DSE: variants seen among roughly 807,000 people sequenced by gnomAD.
DSE encodes the protein dermatan sulfate epimerase, also known as dermatan-sulfate epimerase.
A neutral mutation model predicts 84.4 loss-of-function variants in DSE; 36 were observed. That is an observed-to-expected ratio of 0.43 (90% confidence interval 0.33 to 0.56). The LOEUF (loss-of-function observed/expected upper bound fraction) is 0.56, where lower values mean the gene tolerates loss of function less well. Among genes scored for constraint, DSE ranks in the 20% least tolerant of loss-of-function variants. DSE has a pLI of 0.06. For missense variants in DSE, 862 were observed against 1,169.6 expected (o/e 0.74, Z 3.84); for synonymous variants, 410 against 430.1 (o/e 0.95, Z 0.58).
intron 2 of DSE, among the ~76,000 whole-genome samples, chr6:116,270,010 C>T (rs1033261252): frequency 4.6e-5 from 7 of 152,008 alleles, no homozygotes; most frequent in African/African-American, 1.7e-4. Context: ...GTCTTCTGCT[C>T]TGATAGAGTT....
chr6:116,418,076 G>C (rs148044938), intron 2 of DSE, among the ~76,000 whole-genome samples: 118 of 152,258 alleles, frequency 7.7e-4, no homozygotes, highest in African/African-American at 2.5e-3. Context: ...GATTAGGCCA[G>C]CTAATCACAC....
chr6:116,399,541 C>T lies in DSE; in HGVS notation c.291C>T (p.Arg97=), dbSNP rs1281451290. 5.6e-6 allele frequency: 9 copies of T among 1,614,070 alleles called. No homozygotes were observed. Among genetic ancestry groups the T allele is most frequent in the African/African-American group, 1.3e-5 (1 of 74,920 alleles). ...GGGATCCCAAGGACTACAGTGCCCG[C>T]TGGAATGAAATTTTTGGAAACAACT... is the stretch of plus-strand genomic sequence containing the variant. ...PPWDPKDYSA[R]WNEIFGNNLG... is the part of the protein sequence containing the mutation. Residue 97 remains arginine, a synonymous_variant, in exon 2 of 6, where the codon CGC becomes CGT. Coordinates refer to ENST00000644252, the MANE Select transcript of DSE (RefSeq NM_013352.4).
rs370201246 is a variant in DSE at position 116,403,405 on chromosome 6, T to C, written c.416+3739T>C. ...GATATCAGCAATAATAATTTTAATT[T>C]AATAAATTTTATTAAATTAATAAAA... On this transcript the variant is annotated intron_variant, in intron 2 of 5. Transcript: ENST00000644252. Among the ~76,000 whole-genome samples, 203 of 151,620 alleles carry C rather than the reference T, an allele frequency of 1.3e-3. 9 individuals carry two copies. In the South Asian group the frequency reaches 0.041, roughly 31 times the overall value.
intron 2 of DSE, chr6:116,401,082 A>G (rs1227558451): frequency 6.6e-6 from 1 of 152,160 alleles, no homozygotes; most frequent in African/African-American, 2.4e-5. Context: ...ATCTCACAAG[A>G]AAGTAATGGA....
chr6:116,355,639 T>G (rs922688255), intron 2 of DSE: 2 of 152,214 alleles, frequency 1.3e-5, no homozygotes, highest in Admixed American at 6.5e-5. Flanking sequence ...CTGCTCAATT[T>G]GATATGTTAT....
intron 2 of DSE, among the ~76,000 whole-genome samples, chr6:116,289,995 G>A (rs1170295807): frequency 6.6e-6 from 1 of 152,026 alleles, no homozygotes; most frequent in Non-Finnish European, 1.5e-5. Flanking sequence ...TGTGTTAAAT[G>A]CTTTTCATAT....
chr6:116,302,811 T>G (rs1366536066), intron 2 of DSE, among the ~76,000 whole-genome samples: 1 of 152,210 alleles, frequency 6.6e-6, no homozygotes, highest in African/African-American at 2.4e-5. Context: ...CTTGAATTAA[T>G]TTTTGTATAA....
upstream of DSE, chr6:116,370,760 C>CG (rs1779485466): frequency 2.2e-6 from 2 of 915,660 alleles, no homozygotes; most frequent in Non-Finnish European, 2.6e-6. Context: ...CGGGAGAAAG[C>CG]GGGGCGGGCC....
chr6:116,415,030 A>G (rs1323133038), intron 2 of DSE, among the ~76,000 whole-genome samples: 1 of 152,222 alleles, frequency 6.6e-6, no homozygotes. Flanking sequence ...CTGTACAGCC[A>G]TCTTTGTTCC....
intron 2 of DSE, among the ~76,000 whole-genome samples, chr6:116,291,748 GTAT>G (rs1424344122): frequency 1.3e-5 from 2 of 152,080 alleles, no homozygotes; most frequent in South Asian, 2.1e-4. Flanking sequence ...CAGTTGTGAA[GTAT>G]TATAAAAATG....
upstream of DSE, among the ~76,000 whole-genome samples, chr6:116,365,560 C>G (rs147144214): frequency 7.2e-3 from 1,099 of 152,322 alleles, 16 homozygotes; most frequent in African/African-American, 0.025. Context: ...GCCGGAAGTT[C>G]TTAAAGCTCT....
intron 2 of DSE, among the ~76,000 whole-genome samples, chr6:116,357,859 A>G (rs2114870113): frequency 6.6e-6 from 1 of 152,310 alleles, no homozygotes; most frequent in South Asian, 2.1e-4. Flanking sequence ...GATGCATAGA[A>G]ATGCCCGGCC....
chr6:116,423,128 T>G (rs1355396320), intron 2 of DSE: 2 of 152,228 alleles, frequency 1.3e-5, no homozygotes, highest in Non-Finnish European at 2.9e-5. Context: ...GCTGAGCAAG[T>G]GTCAGCTGTA....
upstream of DSE, chr6:116,369,967 G>T: frequency 7.8e-7 from 1 of 1,288,380 alleles, no homozygotes; most frequent in Non-Finnish European, 1.0e-6. Context: ...TACAATCTAG[G>T]TCTGGTAGGT....
chr6:116,275,138 G>A (rs1486111833), intron 2 of DSE, among the ~76,000 whole-genome samples: 2 of 152,136 alleles, frequency 1.3e-5, no homozygotes, highest in African/African-American at 4.8e-5. Flanking sequence ...TCTCAATTCA[G>A]ACTAGCCACA....
Position 116,436,496 on chromosome 6 carries a change from C to A in DSE, c.2028C>A (p.Val676=). Residue 676 remains valine (V), a synonymous_variant, in exon 6 of 6, where the codon GTC becomes GTA. Coordinates refer to ENST00000644252, the MANE Select transcript of DSE (RefSeq NM_013352.4). ...CTATAGATGTTCAGAGCTTCACTGT[C>A]CACGGAGACTCTCAGCAACTGGATG... ...GPSIDVQSFT[V]HGDSQQLDVF... is the part of the protein sequence containing the mutation. 1.2e-6 allele frequency: 2 copies of A among 1,614,144 alleles called. No homozygotes were observed. Among genetic ancestry groups the A allele is most frequent in the South Asian group, 2.2e-5 (2 of 91,084 alleles).
intron 2 of DSE, among the ~76,000 whole-genome samples, chr6:116,284,750 A>G (rs1773775227): frequency 7.2e-6 from 1 of 139,490 alleles, no homozygotes; most frequent in Non-Finnish European, 1.5e-5. Flanking sequence ...ATTCCCACCT[A>G]TGAGTGATAA....
At chr6:116,269,530 T>C (rs555672972) in intron 2 of DSE, among the ~76,000 whole-genome samples, 1 of 152,222 alleles carries the variant, frequency 6.6e-6, no homozygotes, top group East Asian at 1.9e-4. Context: ...TTGGACCAAG[T>C]AGATTGGATA....
intron 2 of DSE, among the ~76,000 whole-genome samples, chr6:116,355,209 CT>C (rs1310814325): frequency 6.6e-6 from 1 of 152,134 alleles, no homozygotes; most frequent in Non-Finnish European, 1.5e-5. Context: ...ATTTACATAC[CT>C]TTTAAAGATT....
Sources: allele counts gnomAD v4.1 joint callset (sites outside exome capture counted in the v4.1 genomes callset), GRCh38; gene constraint gnomAD v4.1.1; transcripts MANE v1.5; gene names NCBI Gene and HGNC (gene_info 2026-07-23, HGNC 2026-07-21).